The following POFUT2 variants were observed in gnomAD, a reference collection of about 807,000 sequenced individuals.
POFUT2 encodes protein O-fucosyltransferase 2.
In POFUT2, 30 loss-of-function variants were observed where a neutral mutation model predicts 55.0. The ratio of observed to expected loss-of-function variants is 0.55; its 90% CI spans 0.41 to 0.74. The LOEUF (loss-of-function observed/expected upper bound fraction) is 0.74. POFUT2 is among the 30% of genes least tolerant of loss of function. POFUT2 has a pLI of 0.00. For missense variants in POFUT2, 524 were observed against 562.6 expected, an observed-to-expected ratio of 0.93 and a Z score of 0.69; for synonymous variants, 267 against 231.1, an observed-to-expected ratio of 1.16 and a Z score of -1.41.
At chr21:45,268,803 G>A in intron 7 of POFUT2, among the ~76,000 whole-genome samples, 1 of 147,868 alleles carries the variant, frequency 6.8e-6, no homozygotes. Context: ...CCCCGTCCGG[G>A]AGGGAGGTGG....
At position 45,285,721 on chromosome 21, in the gene POFUT2, G is replaced by A. The variant is rs2031318367; in HGVS notation, c.339C>T (p.Leu113=). 1 of 1,613,846 alleles carries A rather than the reference G, an allele frequency of 6.2e-7. No individual in the cohort carries two copies. The change falls in exon 2 of 9, where the codon CTC becomes CTT. Residue 113 remains leucine (L), a synonymous_variant. Transcript: ENST00000349485. This position sits in a 1 kb window ranked among gnomAD's most constrained non-coding sequence, Gnocchi z 4.9. ...ACTCGATGACGGGGATGTTTTTATT[G>A]AGACTTGGAAGATCAAAAAACTCAG... ...PWSEFFDLPS[L]NKNIPVIEYE... is the part of the protein sequence containing the mutation.
intron 3 of POFUT2, 28 bp downstream of exon 3, chr21:45,283,354 GC>G: frequency 6.5e-7 from 1 of 1,530,968 alleles, no homozygotes; most frequent in Non-Finnish European, 8.8e-7. Flanking sequence ...GGGGGCACCT[GC>G]GGCAGGGGGA....
At position 45,277,099 on chromosome 21, in the gene POFUT2, C is replaced by G. The variant is rs1199054194; in HGVS notation, c.749G>C (p.Gly250Ala). Residue 250 changes from glycine (G) to alanine (A), a missense_variant, in exon 6 of 9, where the codon GGA becomes GCA. Physicochemically the swap from Gly to Ala is moderately conservative, Grantham distance 60. Around this residue, in one of 2 missense-constraint regions of POFUT2, gnomAD observed 250 missense variants for 318.2 expected, o/e 0.79. Transcript: ENST00000349485. The surrounding 1 kb of genome is among the most constrained non-coding windows in gnomAD (Gnocchi z 6.9). ...GAGATGTCTGCTCCTGAACTCGTCTCCCACCTCCCGCAGGTGCCTGGCAAA... is the reference window on the plus strand; with the variant it reads ...GAGATGTCTGCTCCTGAACTCGTCTGCCACCTCCCGCAGGTGCCTGGCAAA... ...MVFARHLREV[G>A]DEFRSRHLNS... 4.3e-6 allele frequency: 7 copies of G among 1,613,968 alleles called. No individual in the cohort carries two copies. The African/African-American group carries it at 9.3e-5, about 22-fold the overall frequency.
Position 45,265,405 on chromosome 21 carries a change from G to T in POFUT2, c.*77C>A. On this transcript the variant is annotated 3_prime_UTR_variant, in exon 9 of 9. Coordinates refer to ENST00000349485, the MANE Select transcript of POFUT2 (RefSeq NM_133635.6). The surrounding 1 kb of genome is among the most constrained non-coding windows in gnomAD (Gnocchi z 4.6). ...TCCGCCCAGCTCCCGGCTGGCAGTA[G>T]ACGGTGACTCCACGGCGACAGAACC... 7.3e-7 allele frequency: 1 copy of T among 1,362,006 alleles called. No individual in the cohort carries two copies. The highest frequency in any genetic ancestry group is 1.0e-6 in the Non-Finnish European group (1 of 986,454). The allele number at this position is 1,362,006 out of a possible 1,614,324, so 84.4% of individuals were successfully genotyped here. A position where few individuals can be genotyped will look rare whatever the true frequency, so the allele number is the denominator to read the frequency against.
In POFUT2 at chr21:45,285,318, A is replaced by G. The variant is rs2031258105; in HGVS notation, c.382+360T>C. The G allele has an allele frequency of 5.8e-6, 2 of 347,000 alleles. No homozygotes were observed. The highest frequency in any genetic ancestry group is 4.9e-5 in the South Asian group (2 of 40,440). The allele number at this position is 347,000 out of a possible 1,614,324, so 21.5% of individuals were successfully genotyped here. A position where few individuals can be genotyped will look rare whatever the true frequency, so the allele number is the denominator to read the frequency against. ...ACACCACGAAGCATACTCCACACGC[A>G]GTGCGTCTTCCTGAACGTAAAACAG... On this transcript the variant is annotated intron_variant, in intron 2 of 8. Coordinates refer to ENST00000349485, the MANE Select transcript of POFUT2 (RefSeq NM_133635.6). The surrounding 1 kb of genome is among the most constrained non-coding windows in gnomAD (Gnocchi z 4.9).
chr21:45,270,448 C>G lies in POFUT2; in HGVS notation c.832-429G>C, dbSNP rs2093208883. 6.6e-6 allele frequency among the ~76,000 whole-genome samples: 1 copy of G among 152,208 alleles called. No individual in the cohort carries two copies. Among genetic ancestry groups the G allele is most frequent in the Non-Finnish European group, 1.5e-5 (1 of 68,040 alleles). On this transcript the variant is annotated intron_variant, in intron 6 of 8. Transcript: ENST00000349485. This position sits in a 1 kb window ranked among gnomAD's most constrained non-coding sequence, Gnocchi z 4.6. ...ACCTCCTGGCTGGAGGCCACCAACG[C>G]AAATGGCTACAGCAAATTCTAACCA...
chr21:45,265,203 C>G lies in POFUT2; in HGVS notation c.*279G>C, dbSNP rs1219712254. The stretch of plus-strand genomic sequence containing the variant: ...ACACTCCTGCTTCTGGGTCACCACG[C>G]GGGCACTGCTGGCAACCGAGCTGTG... On this transcript the variant is annotated 3_prime_UTR_variant, in exon 9 of 9. Transcript: ENST00000349485. The surrounding 1 kb of genome is among the most constrained non-coding windows in gnomAD (Gnocchi z 4.6). 3.0e-6 allele frequency: 1 copy of G among 334,830 alleles called. No homozygotes were observed. Among genetic ancestry groups the G allele is most frequent in the East Asian group, 5.0e-5 (1 of 19,970 alleles). 20.7% of individuals were successfully genotyped at this position (334,830 alleles called of 1,614,324 possible). A position where few individuals can be genotyped will look rare whatever the true frequency, so the allele number is the denominator to read the frequency against.
At chr21:45,286,784 A>T (rs1370059744) in intron 1 of POFUT2, among the ~76,000 whole-genome samples, 1 of 151,872 alleles carries the variant, frequency 6.6e-6, no homozygotes, top group East Asian at 1.9e-4. Context: ...CATCGTCGCG[A>T]GTGAAGCTGC....
intron 6 of POFUT2, among the ~76,000 whole-genome samples, chr21:45,273,903 G>T (rs1375390772): frequency 6.6e-6 from 1 of 152,126 alleles, no homozygotes; most frequent in Non-Finnish European, 1.5e-5. Context: ...GAGAACTGGA[G>T]CAAGACAAGG....
chr21:45,267,252 C>T lies in POFUT2; in HGVS notation c.1136+338G>A, dbSNP rs765870398. ...CAAGGACATGCCCAAGTCCAGGGCA[C>T]GGGCAACTCTCAGGGCAGGGGGCAG... On this transcript the variant is annotated intron_variant, in intron 8 of 8. Transcript: ENST00000349485. The surrounding 1 kb of genome is among the most constrained non-coding windows in gnomAD (Gnocchi z 4.4). 50 of 1,432,304 alleles carry T rather than the reference C, an allele frequency of 3.5e-5. 1 individual carries two copies. Among genetic ancestry groups the T allele is most frequent in the Middle Eastern group, 2.6e-4 (1 of 3,912 alleles). 88.7% of individuals were successfully genotyped at this position (1,432,304 alleles called of 1,614,324 possible). A position where few individuals can be genotyped will look rare whatever the true frequency, so the allele number is the denominator to read the frequency against.
intron 6 of POFUT2, among the ~76,000 whole-genome samples, chr21:45,271,310 G>A (rs187026654): frequency 7.9e-5 from 12 of 152,194 alleles, no homozygotes; most frequent in East Asian, 1.9e-4. Context: ...TTCAGAGCTC[G>A]AAGACAAGGT....
chr21:45,266,698 G>A, intron 8 of POFUT2: 1 of 1,005,640 alleles, frequency 9.9e-7, no homozygotes, highest in Non-Finnish European at 1.2e-6. Context: ...GCCTCTGTGG[G>A]TCTTACACAC....
chr21:45,266,794 A>G, intron 8 of POFUT2: 2 of 998,032 alleles, frequency 2.0e-6, no homozygotes, highest in Non-Finnish European at 1.2e-6. Flanking sequence ...GGAGAGAGAC[A>G]GACTAACCCA....
chr21:45,268,811 T>TGG (rs1481071076), intron 7 of POFUT2, among the ~76,000 whole-genome samples: 2 of 132,000 alleles, frequency 1.5e-5, no homozygotes, highest in South Asian at 2.6e-4. Flanking sequence ...GGGAGGGAGG[T>TGG]GGGGGGGTCA....
In POFUT2 at chr21:45,281,172, C is replaced by T. The variant is rs539079161; in HGVS notation, c.638+1177G>A. Among the ~76,000 whole-genome samples, 17 of 152,266 alleles carry T rather than the reference C, an allele frequency of 1.1e-4. No individual in the cohort carries two copies. In the East Asian group the frequency reaches 1.7e-3, roughly 16 times the overall value. On this transcript the variant is annotated intron_variant, in intron 4 of 8. Transcript: ENST00000349485. This position sits in a 1 kb window ranked among gnomAD's most constrained non-coding sequence, Gnocchi z 5.0. ...CACTGCGCCTTTTCCCCCTGCTCCC[C>T]GGCAGAAGCGTTTCTCCTAAATCAG...
chr21:45,278,246 G>A, intron 4 of POFUT2, 77 bp from the exon 5 acceptor site: 1 of 1,265,910 alleles, frequency 7.9e-7, no homozygotes, highest in East Asian at 2.3e-5. Flanking sequence ...AGCACAAACT[G>A]GGAGAACCCC....
rs766649066 is a variant in POFUT2, at chr21:45,282,208, C to A, written c.638+141G>T. On this transcript the variant is annotated intron_variant, in intron 4 of 8. Transcript: ENST00000349485. This position sits in a 1 kb window ranked among gnomAD's most constrained non-coding sequence, Gnocchi z 4.6. ...ATGCAAGCACTTCCCTAACCACCAC[C>A]CCCCAGGGCCCCCAGGGTCCGCTGT... The A allele has an allele frequency of 1.6e-5, 10 of 633,728 alleles. No individual in the cohort carries two copies. The East Asian group carries it at 2.7e-4, about 17-fold the overall frequency. 39.3% of individuals were successfully genotyped at this position (633,728 alleles called of 1,614,324 possible). A position where few individuals can be genotyped will look rare whatever the true frequency, so the allele number is the denominator to read the frequency against.
At position 45,277,395 on chromosome 21, in the gene POFUT2, C is replaced by T; in HGVS notation, c.706-253G>A. ...CAGCCCCTGCCGTGGGAAGCTGCGG[C>T]ACACACTGGGCTCAGCTGGCCGTTG... On this transcript the variant is annotated intron_variant, in intron 5 of 8. Transcript: ENST00000349485. The surrounding 1 kb of genome is among the most constrained non-coding windows in gnomAD (Gnocchi z 6.9). 1 of 498,174 alleles carries T rather than the reference C, an allele frequency of 2.0e-6. No individual in the cohort carries two copies. Among genetic ancestry groups the T allele is most frequent in the Non-Finnish European group, 3.7e-6 (1 of 273,688 alleles). 30.9% of individuals were successfully genotyped at this position (498,174 alleles called of 1,614,324 possible).
chr21:45,287,693 C>T (rs754869698), intron 1 of POFUT2, 48 bp downstream of exon 1: 2 of 1,382,832 alleles, frequency 1.4e-6, no homozygotes, highest in Non-Finnish European at 9.5e-7. Context: ...TCCTCTGACC[C>T]TGCCCGGTCC....
Sources: allele counts gnomAD v4.1 joint callset (sites outside exome capture counted in the v4.1 genomes callset), GRCh38; gene constraint gnomAD v4.1.1; regional missense constraint gnomAD v4.1.1; non-coding constraint Gnocchi (gnomAD v3.1); transcripts MANE v1.5; gene names NCBI Gene and HGNC (gene_info 2026-07-23, HGNC 2026-07-21).